UBE2E3: variants seen among roughly 807,000 people sequenced by gnomAD.
UBE2E3 encodes the protein ubiquitin conjugating enzyme E2 E3.
In UBE2E3, 5 loss-of-function variants were observed where a neutral mutation model predicts 23.6. The observed-to-expected ratio is 0.21, with a 90% CI of 0.11 to 0.44. UBE2E3 has a LOEUF of 0.44. Among genes scored for constraint, UBE2E3 ranks in the 20% least tolerant of loss-of-function variants. The probability of loss-of-function intolerance (pLI) is 0.99; values close to 1 mark genes in which losing one functional copy is unlikely to be tolerated. For missense variants in UBE2E3, 81 were observed against 249.8 expected, an observed-to-expected ratio of 0.32 and a Z score of 4.55; for synonymous variants, 78 against 87.5, an observed-to-expected ratio of 0.89 and a Z score of 0.60.
At chr2:180,997,503 T>G (rs1684861875) in intron 3 of UBE2E3, among the ~76,000 whole-genome samples, 1 of 152,084 alleles carries the variant, frequency 6.6e-6, no homozygotes, top group South Asian at 2.1e-4. Context: ...TTCATGTATG[T>G]GATATATATT....
At chr2:181,003,119 T>C (rs534958974) in intron 3 of UBE2E3, among the ~76,000 whole-genome samples, 4 of 152,374 alleles carry the variant, frequency 2.6e-5, no homozygotes, top group Admixed American at 2.0e-4. Context: ...ACATCACTTT[T>C]GTGACAGGAA....
chr2:180,994,699 GA>G (rs945975927), intron 3 of UBE2E3, among the ~76,000 whole-genome samples: 9 of 152,144 alleles, frequency 5.9e-5, no homozygotes, highest in African/African-American at 1.9e-4. Context: ...AAATGTATTG[GA>G]AAAATATTTA....
intron 3 of UBE2E3, among the ~76,000 whole-genome samples, chr2:181,017,862 T>C (rs916879119): frequency 1.3e-5 from 2 of 150,782 alleles, no homozygotes; most frequent in African/African-American, 4.9e-5. Context: ...AAGGGAGTGA[T>C]TGACGAGGGC....
chr2:181,017,562 G>A lies in UBE2E3; in HGVS notation c.245+33469G>A, dbSNP rs538486865. Among the ~76,000 whole-genome samples, 8 of 151,752 alleles carry A rather than the reference G, an allele frequency of 5.3e-5. No homozygotes were observed. In the East Asian group the frequency reaches 1.4e-3, roughly 26 times the overall value. On this transcript the variant is annotated intron_variant, in intron 3 of 5. Transcript: ENST00000410062. ...GTCTAAAGTCACCTCATGGAAATGC[G>A]GTAATATGCATACCATCCTTTTGGG...
At chr2:181,047,970 A>G (rs560702657) in intron 3 of UBE2E3, among the ~76,000 whole-genome samples, 2 of 151,916 alleles carry the variant, frequency 1.3e-5, no homozygotes, top group African/African-American at 4.8e-5. Flanking sequence ...TGTACTTCCC[A>G]TGTTCTCTTC....
chr2:181,037,853 A>G (rs1686350109), intron 3 of UBE2E3, among the ~76,000 whole-genome samples: 1 of 152,168 alleles, frequency 6.6e-6, no homozygotes, highest in South Asian at 2.1e-4. Flanking sequence ...CTGTAGTCCC[A>G]GGTGCTTGGG....
chr2:181,041,252 A>AG (rs1686493109), intron 3 of UBE2E3, among the ~76,000 whole-genome samples: 3 of 150,018 alleles, frequency 2.0e-5, no homozygotes, highest in Non-Finnish European at 4.4e-5. Flanking sequence ...AAAAAAAAAA[A>AG]AGATAGATTT....
chr2:181,038,715 T>C (rs1018776665), intron 3 of UBE2E3, among the ~76,000 whole-genome samples: 4 of 152,156 alleles, frequency 2.6e-5, no homozygotes, highest in Non-Finnish European at 5.9e-5. Flanking sequence ...ATCCAGAACA[T>C]GCAAGTCTTA....
chr2:181,041,477 G>A (rs184081723), intron 3 of UBE2E3, among the ~76,000 whole-genome samples: 359 of 151,186 alleles, frequency 2.4e-3, no homozygotes, highest in Admixed American at 3.5e-3. Flanking sequence ...GTCTCTCTCC[G>A]TCGCCCAGGC....
chr2:181,034,121 A>G (rs1047649635), intron 3 of UBE2E3, among the ~76,000 whole-genome samples: 1 of 152,216 alleles, frequency 6.6e-6, no homozygotes, highest in African/African-American at 2.4e-5. Context: ...CAGTGTGGCA[A>G]TTTCTCAAGG....
chr2:181,033,681 G>C (rs1014335646), intron 3 of UBE2E3, among the ~76,000 whole-genome samples: 8 of 152,020 alleles, frequency 5.3e-5, no homozygotes, highest in African/African-American at 1.9e-4. Flanking sequence ...TAGACAAATG[G>C]GATCTCATTA....
rs1684245542 is a variant in UBE2E3, at chr2:180,980,702, G to GGGAGCTCGCGCCCTCGCCC, written c.-296_-278dup. On this transcript the variant is annotated 5_prime_UTR_variant, in exon 1 of 6. Transcript: ENST00000410062. This position sits in a 1 kb window ranked among gnomAD's most constrained non-coding sequence, Gnocchi z 5.5. Reference sequence around the variant, plus strand: ...TCTCCCGCGTCCCCTCCGCCTCGCCGGGAGCTCGCGCCCTCGCCCAGCCGA... The same window carrying GGGAGCTCGCGCCCTCGCCC: ...TCTCCCGCGTCCCCTCCGCCTCGCCGGGAGCTCGCGCCCTCGCCCGGAGCTCGCGCCCTCGCCCAGCCGA... 1 of 148,312 alleles carries GGGAGCTCGCGCCCTCGCCC rather than the reference G, an allele frequency of 6.7e-6. No individual in the cohort carries two copies. Among genetic ancestry groups the GGGAGCTCGCGCCCTCGCCC allele is most frequent in the Admixed American group, 6.7e-5 (1 of 15,008 alleles). 9.2% of individuals were successfully genotyped at this position (148,312 alleles called of 1,614,324 possible).
chr2:181,021,785 G>C (rs1043595441), intron 3 of UBE2E3, among the ~76,000 whole-genome samples: 4 of 151,622 alleles, frequency 2.6e-5, no homozygotes, highest in Non-Finnish European at 5.9e-5. Context: ...TACTTTTGCA[G>C]ACTAGCTTTC....
intron 3 of UBE2E3, among the ~76,000 whole-genome samples, chr2:180,999,461 G>A (rs1012669722): frequency 2.6e-5 from 4 of 152,078 alleles, no homozygotes; most frequent in African/African-American, 9.7e-5. Flanking sequence ...TCCTAGGAGT[G>A]GAATTGCTGT....
intron 3 of UBE2E3, among the ~76,000 whole-genome samples, chr2:181,009,241 A>G (rs1352586914): frequency 6.6e-6 from 1 of 152,116 alleles, no homozygotes; most frequent in Non-Finnish European, 1.5e-5. Flanking sequence ...TTTGATGCTA[A>G]GAGATTGGAC....
At chr2:181,023,227 C>T (rs1685763777) in intron 3 of UBE2E3, among the ~76,000 whole-genome samples, 3 of 152,140 alleles carry the variant, frequency 2.0e-5, no homozygotes, top group Admixed American at 2.0e-4. Context: ...TTCACAGACA[C>T]AAAATCCCCA....
chr2:181,055,735 A>G (rs1364719426), intron 3 of UBE2E3, among the ~76,000 whole-genome samples: 1 of 151,804 alleles, frequency 6.6e-6, no homozygotes, highest in Admixed American at 6.6e-5. Context: ...AAATAGCATG[A>G]TAAGTGGGAA....
chr2:181,035,530 G>A (rs952103055), intron 3 of UBE2E3, among the ~76,000 whole-genome samples: 31 of 152,048 alleles, frequency 2.0e-4, no homozygotes, highest in Non-Finnish European at 3.4e-4. Context: ...TAATAAACAT[G>A]TAAAAAGCAT....
At chr2:181,006,782 C>A (rs1685161888) in intron 3 of UBE2E3, among the ~76,000 whole-genome samples, 1 of 152,088 alleles carries the variant, frequency 6.6e-6, no homozygotes, top group Non-Finnish European at 1.5e-5. Context: ...TTGTGTTTTG[C>A]AAATAGTAAA....
Sources: gnomAD v4.1 joint callset for allele counts (sites outside exome capture counted in the v4.1 genomes callset) on GRCh38, gnomAD v4.1.1 for gene constraint, Gnocchi (gnomAD v3.1) non-coding constraint, MANE v1.5 for transcripts, NCBI Gene and HGNC (gene_info 2026-07-23, HGNC 2026-07-21) for gene names.